The following BNIP2 variants were observed in gnomAD, a reference collection of about 807,000 sequenced individuals.
BNIP2 encodes BCL2/adenovirus E1B 19 kDa protein-interacting protein 2.
In BNIP2, 36 loss-of-function variants were observed where a neutral mutation model predicts 43.4. The ratio of observed to expected loss-of-function variants is 0.83; its 90% confidence interval spans 0.64 to 1.10. The LOEUF is 1.10. Among genes scored for constraint, BNIP2 ranks in the 50% least tolerant of loss-of-function variants. The pLI is 0.00. For synonymous variants in BNIP2, 146 were observed against 121.0 expected (o/e 1.21, Z -1.35); for missense variants, 417 against 374.1 (o/e 1.11, Z -0.95).
In BNIP2 at chr15:59,660,338, G is replaced by C. The variant is rs1465598954; in HGVS notation, c.*3731C>G. The C allele has an allele frequency of 6.6e-6, 1 of 152,112 alleles. No individual in the cohort carries two copies. The highest frequency in any genetic ancestry group is 2.4e-5 in the African/African-American group (1 of 41,412). The allele number at this position is 152,112 out of a possible 1,614,324, so 9.4% of individuals were successfully genotyped here. ...AACAGGCATGAAAACAAAATAGAATGGTGTAGCAATCTCTATTTTCAGCCT... is the reference window on the plus strand; with the variant it reads ...AACAGGCATGAAAACAAAATAGAATCGTGTAGCAATCTCTATTTTCAGCCT... On this transcript the variant is annotated 3_prime_UTR_variant, in exon 10 of 10. Coordinates refer to ENST00000607373, the MANE Select transcript of BNIP2 (RefSeq NM_004330.4).
chr15:59,675,989 G>A (rs1893259978), intron 5 of BNIP2, among the ~76,000 whole-genome samples: 1 of 152,062 alleles, frequency 6.6e-6, no homozygotes, highest in South Asian at 2.1e-4. Flanking sequence ...AATTCTTCTG[G>A]GACAATGAAA....
At position 59,672,723 on chromosome 15, in the gene BNIP2, T is replaced by C. The variant is rs1452631539; in HGVS notation, c.489A>G (p.Gly163=). 6.2e-7 allele frequency: 1 copy of C among 1,613,636 alleles called. No homozygotes were observed. The highest frequency in any genetic ancestry group is 2.2e-5 in the East Asian group (1 of 44,862). ...CAGCAAACACAACAATGGCATTTAA[T>C]CCATCCCCATAATATCCTAAAAAAG... ...VISHGGYYGD[G]LNAIVVFAVC... is the part of the protein sequence containing the mutation. Residue 163 remains glycine (G), a synonymous_variant, in exon 6 of 10, where the codon GGA becomes GGG. Transcript: ENST00000607373.
intron 1 of BNIP2, chr15:59,688,616 G>C: frequency 8.0e-7 from 1 of 1,243,896 alleles, no homozygotes; most frequent in Non-Finnish European, 1.1e-6. Flanking sequence ...TTCACGCGGG[G>C]ACTCGGCTTT....
At chr15:59,667,725 CA>C (rs2141989543) in intron 9 of BNIP2, among the ~76,000 whole-genome samples, 1 of 152,162 alleles carries the variant, frequency 6.6e-6, no homozygotes, top group Non-Finnish European at 1.5e-5. Flanking sequence ...AAAAAGTCTG[CA>C]AAAATATTTC....
rs1285680292 is a variant in BNIP2, at chr15:59,662,768, C to T, written c.*1301G>A. The T allele has an allele frequency of 6.6e-6, 1 of 152,144 alleles. No individual in the cohort carries two copies. The highest frequency in any genetic ancestry group is 1.5e-5 in the Non-Finnish European group (1 of 68,022). The allele number at this position is 152,144 out of a possible 1,614,324, so 9.4% of individuals were successfully genotyped here. A position where few individuals can be genotyped will look rare whatever the true frequency, so the allele number is the denominator to read the frequency against. ...ACCTTCAAATTTGGAAGGTATTATG[C>T]TTACCAGCTGTGTATGAGCCTTTCA... On this transcript the variant is annotated 3_prime_UTR_variant, in exon 10 of 10. Transcript: ENST00000607373.
intron 1 of BNIP2, among the ~76,000 whole-genome samples, chr15:59,687,531 T>C (rs1399754930): frequency 1.3e-5 from 2 of 152,098 alleles, no homozygotes; most frequent in Non-Finnish European, 2.9e-5. Context: ...TTTGTATTTT[T>C]AGTAGAGATG....
intron 5 of BNIP2, chr15:59,676,612 G>T: frequency 1.8e-6 from 1 of 552,960 alleles, no homozygotes; most frequent in Non-Finnish European, 3.2e-6. Context: ...AATGAGAAAT[G>T]CTTATTATTC....
chr15:59,679,441 A>G, intron 4 of BNIP2, 151 bp downstream of exon 4: 1 of 891,866 alleles, frequency 1.1e-6, no homozygotes, highest in Non-Finnish European at 1.6e-6. Context: ...TGTACTCTAT[A>G]CACACTTTTT....
At chr15:59,681,229 C>G (rs1335908750) in intron 2 of BNIP2, among the ~76,000 whole-genome samples, 1 of 152,182 alleles carries the variant, frequency 6.6e-6, no homozygotes, top group Non-Finnish European at 1.5e-5. Flanking sequence ...ACTGCTAAGG[C>G]ACCTGATTAT....
intron 7 of BNIP2, 110 bp downstream of exon 7, chr15:59,671,073 C>CAAA (rs56337803): frequency 1.2e-3 from 1,002 of 821,238 alleles, no homozygotes; most frequent in Middle Eastern, 1.8e-3. Context: ...AACTCCGTCT[C>CAAA]AAAAAAAAAA....
At chr15:59,682,367 C>G (rs2307275) in intron 2 of BNIP2, 41 bp downstream of exon 2, 534,312 of 1,532,400 alleles carry the variant, frequency 0.35, 94,852 homozygotes, top group East Asian at 0.54. Context: ...AAATTTTGAA[C>G]TTTTGCTCTA....
intron 9 of BNIP2, among the ~76,000 whole-genome samples, chr15:59,664,755 A>G (rs1489987029): frequency 6.6e-6 from 1 of 152,216 alleles, no homozygotes. Context: ...GTAGGGATCC[A>G]GGTGGTACGA....
At chr15:59,676,891 C>T in intron 5 of BNIP2, 1 of 1,600,030 alleles carries the variant, frequency 6.2e-7, no homozygotes, top group South Asian at 1.1e-5. Flanking sequence ...CCGCTGTCAC[C>T]TGCACGGTGT....
chr15:59,683,022 C>G (rs779206996), intron 1 of BNIP2, among the ~76,000 whole-genome samples: 3 of 152,144 alleles, frequency 2.0e-5, no homozygotes, highest in Admixed American at 6.5e-5. Context: ...AATTCCTGAG[C>G]CACTTAAAGA....
chr15:59,679,616 T>C lies in BNIP2; in HGVS notation c.271A>G (p.Asn91Asp). The C allele has an allele frequency of 6.2e-7, 1 of 1,613,132 alleles. No individual in the cohort carries two copies. The highest frequency in any genetic ancestry group is 1.1e-5 in the South Asian group (1 of 90,982). Residue 91 changes from asparagine to aspartate, a missense_variant, in exon 4 of 10, where the codon AAT (asparagine) becomes GAT (aspartate). By Grantham distance (23) the Asn-to-Asp change is conservative. Transcript: ENST00000607373. ...DLDGLDTPSE[N>D]SNEFEWEDDL... is the part of the protein sequence containing the mutation. ...CCTTCCCACTCAAACTCATTACTAT[T>C]CTCTGACGGTGTGTCTAAGCCATCT...
In BNIP2 at chr15:59,660,083, G is replaced by C. The variant is rs1220003495; in HGVS notation, c.*3986C>G. 6.6e-6 allele frequency: 1 copy of C among 152,166 alleles called. No individual in the cohort carries two copies. The highest frequency in any genetic ancestry group is 1.5e-5 in the Non-Finnish European group (1 of 68,040). 9.4% of individuals were successfully genotyped at this position (152,166 alleles called of 1,614,324 possible). A position where few individuals can be genotyped will look rare whatever the true frequency, so the allele number is the denominator to read the frequency against. On this transcript the variant is annotated 3_prime_UTR_variant, in exon 10 of 10. Coordinates refer to ENST00000607373, the MANE Select transcript of BNIP2 (RefSeq NM_004330.4). Reference sequence around the variant, plus strand: ...TGTATTAGCTTAGAACATTTGAGTAGATAATACCCCACTTCCCTCACCAGT... The same window carrying C: ...TGTATTAGCTTAGAACATTTGAGTACATAATACCCCACTTCCCTCACCAGT...
chr15:59,674,089 TCAAAAAAAAAACAAAAACAAAAA>T (rs1371528064), intron 5 of BNIP2, among the ~76,000 whole-genome samples: 1 of 55,926 alleles, frequency 1.8e-5, no homozygotes, highest in Non-Finnish European at 3.8e-5. Flanking sequence ...GACTTGGGTC[TCAAAAAAAAAACAAAAACAAAAA>T]CAAAAAAACA....
intron 2 of BNIP2, 80 bp downstream of exon 2, chr15:59,682,326 CAA>C (rs745470499): frequency 2.9e-3 from 3,000 of 1,025,398 alleles, no homozygotes; most frequent in South Asian, 3.7e-3. Context: ...GACTCCGTCT[CAA>C]AAAAAAAAAA....
At chr15:59,676,073 CATT>C (rs2142004627) in intron 5 of BNIP2, among the ~76,000 whole-genome samples, 1 of 152,256 alleles carries the variant, frequency 6.6e-6, no homozygotes, top group East Asian at 1.9e-4. Context: ...TGTCAAAACT[CATT>C]GAACTGCACA....
Sources: gnomAD v4.1 joint callset for allele counts (sites outside exome capture counted in the v4.1 genomes callset) on GRCh38, gnomAD v4.1.1 for gene constraint, MANE v1.5 for transcripts, NCBI Gene and HGNC (gene_info 2026-07-23, HGNC 2026-07-21) for gene names.